FIGN: variants seen among roughly 807,000 people sequenced by gnomAD.
FIGN encodes the protein fidgetin.
In FIGN, 11 loss-of-function variants were observed where a neutral mutation model predicts 51.3. That is an observed-to-expected ratio of 0.21 (90% CI 0.13 to 0.35). The LOEUF (loss-of-function observed/expected upper bound fraction) is 0.35, where lower values mean the gene tolerates loss of function less well. Among genes scored for constraint, FIGN ranks in the 10% least tolerant of loss-of-function variants. The pLI is 1.00. For missense variants in FIGN, 857 were observed against 943.6 expected (o/e 0.91, Z 1.20); for synonymous variants, 407 against 363.2 (o/e 1.12, Z -1.37).
intron 2 of FIGN, among the ~76,000 whole-genome samples, chr2:163,727,227 T>C (rs1159136497): frequency 2.6e-5 from 4 of 152,042 alleles, no homozygotes; most frequent in African/African-American, 9.7e-5. Context: ...ACATTTAATA[T>C]GAAAATACAA....
chr2:163,638,891 TTA>T (rs1204484408), intron 2 of FIGN, among the ~76,000 whole-genome samples: 2 of 151,424 alleles, frequency 1.3e-5, no homozygotes, highest in African/African-American at 4.8e-5. Flanking sequence ...GCTGTTTCCT[TTA>T]TGAGTTTTTC....
At chr2:163,729,400 G>T (rs1237622619) in intron 2 of FIGN, among the ~76,000 whole-genome samples, 1 of 151,958 alleles carries the variant, frequency 6.6e-6, no homozygotes, top group Non-Finnish European at 1.5e-5. Flanking sequence ...TCAACATAAT[G>T]AAATGGGGTA....
Position 163,605,694 on chromosome 2 carries a change from C to T in FIGN, c.*3858G>A, listed in dbSNP as rs1318499724. ...GTGGCCTCAATAGTTCAACAAGCTG[C>T]GTCCCTTTCACTTTGCAAAATACAG... On this transcript the variant is annotated 3_prime_UTR_variant, in exon 3 of 3. Coordinates refer to ENST00000333129, the MANE Select transcript of FIGN (RefSeq NM_018086.4). The T allele has an allele frequency of 2.0e-5, 3 of 151,904 alleles. No individual in the cohort carries two copies. The highest frequency in any genetic ancestry group is 4.2e-4 in the South Asian group (2 of 4,808). The allele number at this position is 151,904 out of a possible 1,614,324, so 9.4% of individuals were successfully genotyped here.
intron 2 of FIGN, among the ~76,000 whole-genome samples, chr2:163,614,271 T>A (rs959809214): frequency 6.6e-6 from 1 of 152,176 alleles, no homozygotes. Context: ...AAAGCTGCAA[T>A]TTTAATGAAG....
chr2:163,670,880 C>G (rs778545196), intron 2 of FIGN, among the ~76,000 whole-genome samples: 15 of 152,120 alleles, frequency 9.9e-5, no homozygotes, highest in Non-Finnish European at 1.5e-5. Context: ...GAAAAAAAGA[C>G]ATTAGCCTTT....
chr2:163,659,517 T>C (rs796277903), intron 2 of FIGN, among the ~76,000 whole-genome samples: 3 of 152,282 alleles, frequency 2.0e-5, no homozygotes, highest in African/African-American at 7.2e-5. Flanking sequence ...TGGAAATGTA[T>C]CCAGATTATC....
chr2:163,686,123 A>AT (rs1295216339), intron 2 of FIGN, among the ~76,000 whole-genome samples: 5 of 152,202 alleles, frequency 3.3e-5, no homozygotes, highest in South Asian at 2.1e-4. Context: ...GTGTCATAAC[A>AT]TTTTTTTAAA....
chr2:163,692,501 C>G (rs538059452), intron 2 of FIGN, among the ~76,000 whole-genome samples: 1 of 152,068 alleles, frequency 6.6e-6, no homozygotes, highest in Non-Finnish European at 1.5e-5. Context: ...TTAAATGAAA[C>G]AGTCCAAATT....
intron 2 of FIGN, 39 bp downstream of exon 2, chr2:163,734,864 A>G (rs759145288): frequency 6.3e-7 from 1 of 1,587,302 alleles, no homozygotes; most frequent in Non-Finnish European, 8.6e-7. Flanking sequence ...TGTCTTTCCT[A>G]TTTAGATGCA....
At chr2:163,669,975 A>T (rs1463921622) in intron 2 of FIGN, among the ~76,000 whole-genome samples, 1 of 152,220 alleles carries the variant, frequency 6.6e-6, no homozygotes, top group Non-Finnish European at 1.5e-5. Flanking sequence ...CAAGGACCAA[A>T]AGATATTTAA....
intron 2 of FIGN, among the ~76,000 whole-genome samples, chr2:163,642,923 G>C (rs368123881): frequency 6.6e-6 from 1 of 152,122 alleles, no homozygotes; most frequent in Non-Finnish European, 1.5e-5. Flanking sequence ...CATGCTCCTG[G>C]ATTGAAAGAC....
intron 2 of FIGN, among the ~76,000 whole-genome samples, chr2:163,681,612 A>C (rs1461126628): frequency 6.6e-6 from 1 of 152,170 alleles, no homozygotes. Flanking sequence ...TGATGACTGC[A>C]CGCCTGGCAC....
At position 163,629,949 on chromosome 2, in the gene FIGN, G is replaced by A. The variant is rs1433365568; in HGVS notation, c.26-18143C>T. On this transcript the variant is annotated intron_variant, in intron 2 of 2. Transcript: ENST00000333129. ...AGACCAACATAGGGTGAAGAAAGGG[G>A]CACTTTTTTTTTTTTTTTTTTTTTT... Among the ~76,000 whole-genome samples, 4 of 138,818 alleles carry A rather than the reference G, an allele frequency of 2.9e-5. No homozygotes were observed. In the East Asian group the frequency reaches 8.1e-4, roughly 28 times the overall value. The allele number at this position is 138,818 out of a possible 152,430, so 91.1% of individuals were successfully genotyped here.
At chr2:163,733,172 C>T (rs1330233002) in intron 2 of FIGN, among the ~76,000 whole-genome samples, 1 of 152,092 alleles carries the variant, frequency 6.6e-6, no homozygotes, top group Non-Finnish European at 1.5e-5. Context: ...ATTTGCACAT[C>T]GGACATTTAA....
In FIGN at chr2:163,682,437, T is replaced by C. The variant is rs1356806445; in HGVS notation, c.25+52466A>G. On this transcript the variant is annotated intron_variant, in intron 2 of 2. Transcript: ENST00000333129. ...AGCTTTGTCTATGCTGGAGGAGATATAAAAGGAGGAGTACGTGGCAAAAGT... is the reference window on the plus strand; with the variant it reads ...AGCTTTGTCTATGCTGGAGGAGATACAAAAGGAGGAGTACGTGGCAAAAGT... Among the ~76,000 whole-genome samples, 3 of 152,160 alleles carry C rather than the reference T, an allele frequency of 2.0e-5. No individual in the cohort carries two copies. The East Asian group carries it at 5.8e-4, about 29-fold the overall frequency.
chr2:163,635,648 A>G (rs1173004542), intron 2 of FIGN, among the ~76,000 whole-genome samples: 1 of 152,210 alleles, frequency 6.6e-6, no homozygotes, highest in East Asian at 1.9e-4. Flanking sequence ...AAAATTTGTT[A>G]TAGATTAAAT....
At chr2:163,676,519 T>C (rs945630837) in intron 2 of FIGN, among the ~76,000 whole-genome samples, 1 of 138,594 alleles carries the variant, frequency 7.2e-6, no homozygotes, top group Non-Finnish European at 1.5e-5. Flanking sequence ...AGAAACATAG[T>C]TTTATACTAA....
chr2:163,716,208 T>C (rs1399916204), intron 2 of FIGN, among the ~76,000 whole-genome samples: 1 of 152,238 alleles, frequency 6.6e-6, no homozygotes, highest in Non-Finnish European at 1.5e-5. Flanking sequence ...ACTTGGGGTA[T>C]GGTAATTACT....
At position 163,649,094 on chromosome 2, in the gene FIGN, T is replaced by C. The variant is rs566140934; in HGVS notation, c.26-37288A>G. Among the ~76,000 whole-genome samples the C allele has an allele frequency of 3.4e-4, 52 of 152,302 alleles. 1 individual carries two copies. In the South Asian group the frequency reaches 0.01, roughly 30 times the overall value. On this transcript the variant is annotated intron_variant, in intron 2 of 2. Coordinates refer to ENST00000333129, the MANE Select transcript of FIGN (RefSeq NM_018086.4). ...AGCTAGACCAGAGGAAATCATCTCA[T>C]ATGTTAATATGTATTGAGTTTCTTG...
Sources: allele counts gnomAD v4.1 joint callset (sites outside exome capture counted in the v4.1 genomes callset), GRCh38; gene constraint gnomAD v4.1.1; transcripts MANE v1.5; gene names NCBI Gene and HGNC (gene_info 2026-07-23, HGNC 2026-07-21).